RIMBP2: variants seen among roughly 807,000 people sequenced by gnomAD.
RIMBP2 encodes the protein RIMS binding protein 2, also known as RIMS-binding protein 2.
In RIMBP2, 48 loss-of-function variants were observed where a neutral mutation model predicts 118.6. That is an observed-to-expected ratio of 0.40 (90% CI 0.32 to 0.51). The LOEUF (loss-of-function observed/expected upper bound fraction) is 0.51, where lower values mean the gene tolerates loss of function less well. Among genes scored for constraint, RIMBP2 ranks in the 20% least tolerant of loss-of-function variants. RIMBP2 has a pLI of 0.41. For synonymous variants in RIMBP2, 762 were observed against 742.9 expected, an observed-to-expected ratio of 1.03 and a Z score of -0.42; for missense variants, 1,551 against 1,768.3, an observed-to-expected ratio of 0.88 and a Z score of 2.20.
chr12:130,398,793 C>G, intron 22 of RIMBP2: 1 of 162,746 alleles, frequency 6.1e-6, no homozygotes, highest in Non-Finnish European at 1.3e-5. Context: ...GAGTGGCTAA[C>G]AATGCAATAT....
At position 130,414,174 on chromosome 12, in the gene RIMBP2, G is replaced by A. The variant is rs1284653035; in HGVS notation, c.3371C>T (p.Pro1124Leu). The change falls in exon 18 of 23, where the codon CCA becomes CTA. Residue 1124 changes from proline (P) to leucine (L), a missense_variant. Around this residue, in one of 5 missense-constraint regions of RIMBP2, gnomAD observed 1,038 missense variants for 1,125.1 expected, o/e 0.92. Coordinates refer to ENST00000690449, the MANE Select transcript of RIMBP2 (RefSeq NM_001393629.1). ...DYDPLTMSPN[P>L]DAAEEELPFK... ...GGGAAGCTCCTCCTCTGCAGCATCT[G>A]GGTTTGGGGACATGGTGAGCGGGTC... 3 of 1,614,124 alleles carry A rather than the reference G, an allele frequency of 1.9e-6. No individual in the cohort carries two copies. Among genetic ancestry groups the A allele is most frequent in the African/African-American group, 1.3e-5 (1 of 74,944 alleles).
At position 130,610,551 on chromosome 12, in the gene RIMBP2, C is replaced by CTTTTTT. The variant is rs386378269; in HGVS notation, c.-217+17765_-217+17770dup. 8.6e-3 allele frequency among the ~76,000 whole-genome samples: 702 copies of CTTTTTT among 81,536 alleles called. 102 individuals carry two copies. Among genetic ancestry groups the CTTTTTT allele is most frequent in the African/African-American group, 0.031 (669 of 21,554 alleles). 53.5% of individuals were successfully genotyped at this position (81,536 alleles called of 152,430 possible). On this transcript the variant is annotated intron_variant, in intron 2 of 22. Coordinates refer to ENST00000690449, the MANE Select transcript of RIMBP2 (RefSeq NM_001393629.1). ...GTGACTCATCAAAGTAATTTTCCTG[C>CTTTTTT]TTTTTTTTTTTTTTTTTTTTTTTTT...
At chr12:130,586,154 T>C (rs1164952884) in intron 2 of RIMBP2, among the ~76,000 whole-genome samples, 3 of 152,184 alleles carry the variant, frequency 2.0e-5, no homozygotes, top group African/African-American at 7.2e-5. Context: ...CTCAGGAGAA[T>C]TTATAAATTA....
chr12:130,668,976 T>C (rs974186578), intron 1 of RIMBP2: 2 of 152,252 alleles, frequency 1.3e-5, no homozygotes, highest in Non-Finnish European at 2.9e-5. Flanking sequence ...CTCAGAGCCA[T>C]GTATGAACTT....
At position 130,483,930 on chromosome 12, in the gene RIMBP2, C is replaced by T. The variant is rs145395475; in HGVS notation, c.-3-4914G>A. ...AGACACGGTGCCCGGAGCCCCTGTC[C>T]CCGCCTAGATGTGTCCCTGAGCCAT... On this transcript the variant is annotated intron_variant, in intron 4 of 22. Transcript: ENST00000690449. Among the ~76,000 whole-genome samples the T allele has an allele frequency of 6.1e-3, 924 of 152,128 alleles. 16 individuals are homozygous for T. Among genetic ancestry groups the T allele is most frequent in the Admixed American group, 0.031 (476 of 15,268 alleles).
intron 2 of RIMBP2, among the ~76,000 whole-genome samples, chr12:130,535,646 T>C (rs887585266): frequency 4.0e-5 from 6 of 149,830 alleles, no homozygotes; most frequent in Admixed American, 4.0e-4. Flanking sequence ...CACATAGATA[T>C]ACATACATAT....
intron 1 of RIMBP2, among the ~76,000 whole-genome samples, chr12:130,659,477 G>A (rs7305241): frequency 0.47 from 71,502 of 151,234 alleles, 17,481 homozygotes; most frequent in Non-Finnish European, 0.54. Flanking sequence ...GCTGAGGCAG[G>A]AGAATGGCGT....
intron 2 of RIMBP2, among the ~76,000 whole-genome samples, chr12:130,605,797 C>T (rs1367337360): frequency 1.3e-5 from 2 of 152,128 alleles, no homozygotes; most frequent in Non-Finnish European, 2.9e-5. Context: ...GGCACAGTGG[C>T]CCACACCTGT....
intron 6 of RIMBP2, among the ~76,000 whole-genome samples, chr12:130,461,359 A>G (rs1295498677): frequency 2.0e-5 from 3 of 152,158 alleles, no homozygotes; most frequent in Non-Finnish European, 4.4e-5. Flanking sequence ...GGGGCAGGGT[A>G]GACCTGCAGG....
At chr12:130,494,327 A>G (rs948917359) in intron 4 of RIMBP2, among the ~76,000 whole-genome samples, 4 of 152,124 alleles carry the variant, frequency 2.6e-5, no homozygotes, top group Non-Finnish European at 4.4e-5. Context: ...TCTCACGGTA[A>G]GATGGTGGAT....
At chr12:130,556,523 C>T (rs556144224) in intron 2 of RIMBP2, among the ~76,000 whole-genome samples, 1 of 152,232 alleles carries the variant, frequency 6.6e-6, no homozygotes, top group Admixed American at 6.5e-5. Flanking sequence ...AATTAAAGTC[C>T]AGCCAGGGAC....
At chr12:130,705,887 C>T (rs756547582) in intron 1 of RIMBP2, among the ~76,000 whole-genome samples, 2 of 152,222 alleles carry the variant, frequency 1.3e-5, no homozygotes, top group African/African-American at 4.8e-5. Context: ...ATGGTTACTT[C>T]GTGCAAAAGT....
At chr12:130,590,407 G>A (rs2059181636) in intron 2 of RIMBP2, among the ~76,000 whole-genome samples, 1 of 152,114 alleles carries the variant, frequency 6.6e-6, no homozygotes, top group Non-Finnish European at 1.5e-5. Context: ...ACAAGCTCAA[G>A]CTTGCATCCC....
chr12:130,502,365 T>C (rs527347794), intron 4 of RIMBP2, among the ~76,000 whole-genome samples: 1 of 152,322 alleles, frequency 6.6e-6, no homozygotes, highest in East Asian at 1.9e-4. Context: ...TTCTTGGAAT[T>C]CTACCTTGGC....
intron 1 of RIMBP2, chr12:130,658,569 A>G (rs1423190866): frequency 2.0e-5 from 3 of 152,250 alleles, no homozygotes; most frequent in African/African-American, 7.2e-5. Flanking sequence ...AAAAAGCTTG[A>G]TCTTGGCCAC....
chr12:130,537,381 G>C (rs892202072), intron 2 of RIMBP2, among the ~76,000 whole-genome samples: 1 of 152,228 alleles, frequency 6.6e-6, no homozygotes, highest in African/African-American at 2.4e-5. Context: ...GTAAGACAGG[G>C]AGGAGGTCTG....
At position 130,617,324 on chromosome 12, in the gene RIMBP2, G is replaced by A. The variant is rs570423925; in HGVS notation, c.-217+10998C>T. 3.9e-5 allele frequency among the ~76,000 whole-genome samples: 6 copies of A among 152,170 alleles called. No homozygotes were observed. The highest frequency in any genetic ancestry group is 1.9e-4 in the East Asian group (1 of 5,178). On this transcript the variant is annotated intron_variant, in intron 2 of 22. Transcript: ENST00000690449. The surrounding 1 kb of genome is among the most constrained non-coding windows in gnomAD (Gnocchi z 4.6). ...CCAGGTCCATCCTCATGCAAATGGCGTCATCCCTGCCCTTTGCCTCTCACT... is the reference window on the plus strand; with the variant it reads ...CCAGGTCCATCCTCATGCAAATGGCATCATCCCTGCCCTTTGCCTCTCACT...
At chr12:130,564,017 CAA>C (rs2057022578) in intron 2 of RIMBP2, among the ~76,000 whole-genome samples, 1 of 150,510 alleles carries the variant, frequency 6.6e-6, no homozygotes, top group Non-Finnish European at 1.5e-5. Context: ...TGTTCCTATA[CAA>C]GTCAGGCAGT....
At chr12:130,646,130 T>A (rs12832167) in intron 1 of RIMBP2, among the ~76,000 whole-genome samples, 10,593 of 23,294 alleles carry the variant, frequency 0.45, 2,164 homozygotes, top group Middle Eastern at 0.67. Flanking sequence ...CACCTGCCTC[T>A]CCACCTCCCT....
Sources: gnomAD v4.1 joint callset for allele counts (sites outside exome capture counted in the v4.1 genomes callset) on GRCh38, gnomAD v4.1.1 for gene constraint, gnomAD v4.1.1 regional missense constraint, Gnocchi (gnomAD v3.1) non-coding constraint, MANE v1.5 for transcripts, NCBI Gene and HGNC (gene_info 2026-07-23, HGNC 2026-07-21) for gene names.